CLTC: variants seen among roughly 807,000 people sequenced by gnomAD.
CLTC encodes clathrin heavy chain 1.
CLTC carries 16 observed loss-of-function variants against 195.8 expected under a neutral mutation model. That is an observed-to-expected ratio of 0.08 (90% CI 0.06 to 0.12). The LOEUF (loss-of-function observed/expected upper bound fraction) is 0.12. CLTC is among the 10% of genes least tolerant of loss of function. The pLI is 1.00. For synonymous variants in CLTC, 667 were observed against 689.4 expected (o/e 0.97, Z 0.51); for missense variants, 796 against 2,027.0 (o/e 0.39, Z 11.66).
chr17:59,661,701 A>G, intron 8 of CLTC, 58 bp downstream of exon 8: 9 of 1,475,994 alleles, frequency 6.1e-6, no homozygotes, highest in Non-Finnish European at 7.5e-6. Flanking sequence ...TGATATTGGC[A>G]AGTTAAAATC....
rs574914069 is a variant in CLTC at position 59,682,833 on chromosome 17, G to A, written c.3765+40G>A. 1.8e-5 allele frequency: 29 copies of A among 1,610,698 alleles called. No individual in the cohort carries two copies. Among genetic ancestry groups the A allele is most frequent in the South Asian group, 5.5e-5 (5 of 90,734 alleles). On this transcript the variant is annotated intron_variant, in intron 23 of 31. Coordinates refer to ENST00000269122, the MANE Select transcript of CLTC (RefSeq NM_004859.4). The surrounding 1 kb of genome is among the most constrained non-coding windows in gnomAD (Gnocchi z 6.8). Reference sequence around the variant, plus strand: ...AGTTTGAGTGAAGAATTAAAGAAACGCTATTTAAACATTAGTTTAAATAAC... The same window carrying A: ...AGTTTGAGTGAAGAATTAAAGAAACACTATTTAAACATTAGTTTAAATAAC...
chr17:59,638,984 C>T (rs2143479920), intron 1 of CLTC, among the ~76,000 whole-genome samples: 1 of 152,270 alleles, frequency 6.6e-6, no homozygotes, highest in South Asian at 2.1e-4. Flanking sequence ...CAGGGTACTT[C>T]AGAGTTTTAA....
intron 31 of CLTC, among the ~76,000 whole-genome samples, chr17:59,692,034 G>A (rs2033312731): frequency 6.6e-6 from 1 of 152,110 alleles, no homozygotes; most frequent in Non-Finnish European, 1.5e-5. Flanking sequence ...ACTGGTTTCT[G>A]TTGGCTGGGT....
chr17:59,688,651 A>C (rs1319802736), intron 30 of CLTC, among the ~76,000 whole-genome samples: 1 of 152,062 alleles, frequency 6.6e-6, no homozygotes, highest in East Asian at 1.9e-4. Context: ...TCTTCCCCCT[A>C]CGCCCAAACT....
chr17:59,671,089 A>C (rs1470793316), intron 14 of CLTC: 1 of 152,234 alleles, frequency 6.6e-6, no homozygotes, highest in African/African-American at 2.4e-5. Flanking sequence ...ATAAGTGATA[A>C]GCCTTGGAAA....
intron 17 of CLTC, among the ~76,000 whole-genome samples, chr17:59,678,297 T>C (rs2033008996): frequency 6.6e-6 from 1 of 152,198 alleles, no homozygotes; most frequent in Admixed American, 6.5e-5. Context: ...CTCTTGGAGA[T>C]ATTAAACAGT....
intron 6 of CLTC, among the ~76,000 whole-genome samples, chr17:59,659,499 G>A (rs2032558449): frequency 6.8e-6 from 1 of 147,946 alleles, no homozygotes. Context: ...TGCCCAGGCT[G>A]GAGTGCAGTC....
In CLTC at chr17:59,673,860, C is replaced by G. The variant is rs549875558; in HGVS notation, c.2418+88C>G. ...GGAAATCCTTTTGAAACTCTGTGCT[C>G]AATAAGAGTGGTCTGCAGCTTTTAA... On this transcript the variant is annotated intron_variant, in intron 15 of 31. Transcript: ENST00000269122. 6.7e-6 allele frequency: 5 copies of G among 747,978 alleles called. No homozygotes were observed. The East Asian group carries it at 1.4e-4, about 20-fold the overall frequency. 46.3% of individuals were successfully genotyped at this position (747,978 alleles called of 1,614,324 possible).
chr17:59,620,209 A>C (rs375484028), intron 1 of CLTC, 36 bp downstream of exon 1: 15 of 1,610,696 alleles, frequency 9.3e-6, no homozygotes, highest in Non-Finnish European at 1.3e-5. Context: ...GGCTGTGGAG[A>C]AGGTGGTAGG....
chr17:59,683,540 T>A lies in CLTC; in HGVS notation c.4191+4T>A. On this transcript the variant is annotated splice_donor_region_variant and intron_variant, in intron 26 of 31. Coordinates refer to ENST00000269122, the MANE Select transcript of CLTC (RefSeq NM_004859.4). The surrounding 1 kb of genome is among the most constrained non-coding windows in gnomAD (Gnocchi z 6.1). ...ATTCAAAGATATCATTACCAAGGTG[T>A]GTACTTTCTTCAGAAGATAAAGGAT... 6.2e-7 allele frequency: 1 copy of A among 1,613,526 alleles called. No individual in the cohort carries two copies. Among genetic ancestry groups the A allele is most frequent in the Non-Finnish European group, 8.5e-7 (1 of 1,179,752 alleles).
chr17:59,654,561 A>G (rs1299678018), intron 5 of CLTC, among the ~76,000 whole-genome samples: 1 of 149,750 alleles, frequency 6.7e-6, no homozygotes, highest in Non-Finnish European at 1.5e-5. Flanking sequence ...GCTCACTGCA[A>G]CCTCCGCCTC....
intron 1 of CLTC, 105 bp downstream of exon 1, chr17:59,620,278 G>A (rs1013754904): frequency 1.7e-6 from 2 of 1,202,496 alleles, no homozygotes; most frequent in Non-Finnish European, 2.5e-6. Context: ...GGGGCGGGGG[G>A]GTTGTCGGTG....
intron 30 of CLTC, chr17:59,689,126 T>C (rs1264544963): frequency 6.6e-6 from 1 of 152,190 alleles, no homozygotes; most frequent in Non-Finnish European, 1.5e-5. Flanking sequence ...AGTAGGATAA[T>C]AGTGTATAAA....
chr17:59,675,133 A>G (rs1010881781), intron 16 of CLTC, among the ~76,000 whole-genome samples: 6 of 152,150 alleles, frequency 3.9e-5, no homozygotes, highest in Non-Finnish European at 5.9e-5. Context: ...ACTATGTACT[A>G]AGTCTCCTGT....
At chr17:59,634,477 G>T (rs2031808932) in intron 1 of CLTC, among the ~76,000 whole-genome samples, 1 of 152,084 alleles carries the variant, frequency 6.6e-6, no homozygotes, top group Admixed American at 6.6e-5. Flanking sequence ...TAAAGTTTTT[G>T]AAAATTTCCA....
At chr17:59,622,557 T>C (rs2031415821) in intron 1 of CLTC, among the ~76,000 whole-genome samples, 7 of 152,146 alleles carry the variant, frequency 4.6e-5, no homozygotes, top group Admixed American at 4.6e-4. Context: ...TTTGTATTTT[T>C]TGTAGAGATG....
At chr17:59,621,236 T>C (rs1439185712) in intron 1 of CLTC, among the ~76,000 whole-genome samples, 1 of 152,266 alleles carries the variant, frequency 6.6e-6, no homozygotes, top group African/African-American at 2.4e-5. Flanking sequence ...TCAGAGCTTT[T>C]GATTTTCCTG....
intron 30 of CLTC, chr17:59,690,233 G>A (rs2033267506): frequency 6.3e-6 from 1 of 158,988 alleles, no homozygotes; most frequent in Admixed American, 6.5e-5. Context: ...CAGTCACTAG[G>A]ATCATTTCAC....
chr17:59,632,609 TG>T (rs2031756892), intron 1 of CLTC, among the ~76,000 whole-genome samples: 1 of 152,062 alleles, frequency 6.6e-6, no homozygotes, highest in African/African-American at 2.4e-5. Flanking sequence ...CGCCACTGCA[TG>T]CCAGCCTATG....
Sources: gnomAD v4.1 joint callset for allele counts (sites outside exome capture counted in the v4.1 genomes callset) on GRCh38, gnomAD v4.1.1 for gene constraint, Gnocchi (gnomAD v3.1) non-coding constraint, MANE v1.5 for transcripts, NCBI Gene and HGNC (gene_info 2026-07-23, HGNC 2026-07-21) for gene names.